Variants in RANBP2 observed in about 807,000 individuals in gnomAD.
The protein encoded by RANBP2 is RAN binding protein 2, also known as E3 SUMO-protein ligase RanBP2.
RANBP2 carries 57 observed loss-of-function variants against 303.6 expected under a neutral mutation model. The observed-to-expected ratio is 0.19, with a 90% CI of 0.15 to 0.23. The LOEUF is 0.23. RANBP2 is among the 10% of genes least tolerant of loss of function. The pLI is 1.00. For synonymous variants in RANBP2, 1,167 were observed against 1,301.5 expected, an observed-to-expected ratio of 0.90 and a Z score of 2.23; for missense variants, 3,138 against 3,780.8, an observed-to-expected ratio of 0.83 and a Z score of 4.46.
chr2:108,914,508 C>T, the RANBP2 span, among the ~76,000 whole-genome samples: 2 of 152,038 alleles, frequency 1.3e-5, no homozygotes, highest in African/African-American at 4.8e-5. Context: ...TGTGACTTAG[C>T]GGGGATAAAA....
chr2:108,768,452 G>T, intron 20 of RANBP2, 64 bp downstream of exon 20: 1 of 1,604,364 alleles, frequency 6.2e-7, no homozygotes, highest in South Asian at 1.1e-5. Context: ...GCTTGATGCA[G>T]ACTCTTTGTA....
the RANBP2 span, among the ~76,000 whole-genome samples, chr2:109,424,358 A>T: frequency 6.6e-6 from 1 of 152,170 alleles, no homozygotes; most frequent in Non-Finnish European, 1.5e-5. Flanking sequence ...TTCAGAGGGG[A>T]CCCAGGCTGG....
At chr2:109,760,879 G>T in the RANBP2 span, among the ~76,000 whole-genome samples, 3 of 135,926 alleles carry the variant, frequency 2.2e-5, no homozygotes, top group Non-Finnish European at 4.7e-5. Flanking sequence ...CGGCCGCCGT[G>T]GGGGTGGGGT....
the RANBP2 span, chr2:109,128,971 C>A: frequency 2.4e-6 from 1 of 421,722 alleles, no homozygotes; most frequent in Non-Finnish European, 4.7e-6. Context: ...GACCTCCGCG[C>A]GCACCCCCGC....
At chr2:109,670,294 T>G in the RANBP2 span, among the ~76,000 whole-genome samples, 1 of 139,974 alleles carries the variant, frequency 7.1e-6, no homozygotes, top group South Asian at 2.4e-4. Flanking sequence ...TACTGGGGGC[T>G]ATACTGCCTG....
chr2:108,944,652 G>A, the RANBP2 span, among the ~76,000 whole-genome samples: 2 of 152,138 alleles, frequency 1.3e-5, no homozygotes, highest in African/African-American at 4.8e-5. Context: ...GGGATAGGGT[G>A]GGCAAAGGCA....
the RANBP2 span, among the ~76,000 whole-genome samples, chr2:109,408,901 A>T: frequency 1.9e-3 from 293 of 152,300 alleles, 2 homozygotes; most frequent in South Asian, 0.017. Flanking sequence ...GCAACAGGCG[A>T]GTGAGAGCTG....
chr2:108,931,728 TC>T, the RANBP2 span, among the ~76,000 whole-genome samples: 1 of 147,702 alleles, frequency 6.8e-6, no homozygotes, highest in Non-Finnish European at 1.5e-5. Context: ...GGTTTTTTTT[TC>T]TTTTTTTTTG....
the RANBP2 span, among the ~76,000 whole-genome samples, chr2:109,227,468 G>A: frequency 1.3e-5 from 2 of 152,210 alleles, no homozygotes; most frequent in Non-Finnish European, 2.9e-5. Context: ...GGAGTTATGA[G>A]GATGGTGACA....
intron 17 of RANBP2, among the ~76,000 whole-genome samples, chr2:108,756,348 A>AT (rs1176650266): frequency 6.6e-6 from 1 of 152,214 alleles, no homozygotes; most frequent in Non-Finnish European, 1.5e-5. Context: ...TATATATCTT[A>AT]TTTTAACAAT....
At chr2:108,972,501 G>A in the RANBP2 span, among the ~76,000 whole-genome samples, 1 of 152,238 alleles carries the variant, frequency 6.6e-6, no homozygotes. Flanking sequence ...GCCGGGGCAG[G>A]GCAAGGTCAG....
chr2:109,345,961 G>A, the RANBP2 span, among the ~76,000 whole-genome samples: 1 of 152,166 alleles, frequency 6.6e-6, no homozygotes, highest in Non-Finnish European at 1.5e-5. Context: ...AGACCAAATT[G>A]TCCCAAATTA....
At chr2:109,259,338 C>T in the RANBP2 span, among the ~76,000 whole-genome samples, 1 of 152,176 alleles carries the variant, frequency 6.6e-6, no homozygotes, top group South Asian at 2.1e-4. Flanking sequence ...TACCTGAAGC[C>T]CTCTGAGACC....
chr2:109,314,642 A>G, the RANBP2 span, among the ~76,000 whole-genome samples: 1 of 152,258 alleles, frequency 6.6e-6, no homozygotes, highest in African/African-American at 2.4e-5. Flanking sequence ...AGGTTTGTAT[A>G]AACTTGTAAA....
chr2:109,651,659 C>T, the RANBP2 span, among the ~76,000 whole-genome samples: 1 of 152,154 alleles, frequency 6.6e-6, no homozygotes, highest in South Asian at 2.1e-4. Context: ...ACTCATACGC[C>T]TTGGCTAATG....
At chr2:108,774,610 C>A (rs922352595) in intron 23 of RANBP2, among the ~76,000 whole-genome samples, 1 of 152,046 alleles carries the variant, frequency 6.6e-6, no homozygotes, top group Non-Finnish European at 1.5e-5. Context: ...AATGAAACCA[C>A]GTCTGGAGTT....
the RANBP2 span, among the ~76,000 whole-genome samples, chr2:109,072,618 G>A: frequency 1.3e-4 from 20 of 152,256 alleles, no homozygotes; most frequent in South Asian, 3.9e-3. Context: ...CTAGGCTAGG[G>A]GTGACAGAGA....
chr2:109,583,580 A>G, the RANBP2 span, among the ~76,000 whole-genome samples: 3 of 152,214 alleles, frequency 2.0e-5, no homozygotes, highest in Non-Finnish European at 4.4e-5. Flanking sequence ...AGCAGTTTGG[A>G]GATTTCTCAA....
chr2:109,154,400 C>G, the RANBP2 span, among the ~76,000 whole-genome samples: 1 of 152,178 alleles, frequency 6.6e-6, no homozygotes, highest in African/African-American at 2.4e-5. Context: ...GGCCCCCCAG[C>G]GCTGCTGCCA....
Sources: gnomAD v4.1 joint callset for allele counts (sites outside exome capture counted in the v4.1 genomes callset) on GRCh38, gnomAD v4.1.1 for gene constraint, MANE v1.5 for transcripts, NCBI Gene and HGNC (gene_info 2026-07-23, HGNC 2026-07-21) for gene names.